OSR2: variants seen among roughly 807,000 people sequenced by gnomAD.
OSR2 encodes protein odd-skipped-related 2.
In OSR2, 8 loss-of-function variants were observed where a neutral mutation model predicts 22.3. That is an observed-to-expected ratio of 0.36 (90% CI 0.21 to 0.65). OSR2 has a LOEUF of 0.65. OSR2 is among the 30% of genes least tolerant of loss of function. OSR2 has a pLI of 0.66. For missense variants in OSR2, 311 were observed against 413.4 expected (o/e 0.75, Z 2.15); for synonymous variants, 179 against 173.8 (o/e 1.03, Z -0.23).
chr8:98,948,969 T>A lies in OSR2; in HGVS notation c.17T>A (p.Leu6Gln). Residue 6 changes from leucine (L) to glutamine (Q), a missense_variant, in exon 2 of 4, where the codon CTG (leucine) becomes CAG (glutamine). By Grantham distance (113) the Leu-to-Gln change is moderately radical. Around this residue, in one of 5 missense-constraint regions of OSR2, gnomAD observed 146 missense variants for 160.5 expected, o/e 0.91. Coordinates refer to ENST00000297565, the MANE Select transcript of OSR2 (RefSeq NM_001142462.3). This position sits in a 1 kb window ranked among gnomAD's most constrained non-coding sequence, Gnocchi z 6.0. The stretch of plus-strand genomic sequence containing the variant: ...TCCCGGAAAATGGGGAGCAAGGCTC[T>A]GCCAGCGCCCATCCCGCTCCACCCG... MGSKA[L>Q]PAPIPLHPSL... 6.2e-7 allele frequency: 1 copy of A among 1,613,970 alleles called. No individual in the cohort carries two copies. The highest frequency in any genetic ancestry group is 8.5e-7 in the Non-Finnish European group (1 of 1,179,906).
rs548850937 is a variant in OSR2 at position 98,951,989 on chromosome 8, T to G, written c.*288T>G. On this transcript the variant is annotated 3_prime_UTR_variant, in exon 4 of 4. Coordinates refer to ENST00000297565, the MANE Select transcript of OSR2 (RefSeq NM_001142462.3). ...ATGTTGTGGGTCTTTGTTTTGTTGT[T>G]TTGTTTGCTTTGGGATCTTGTTGGA... 29 of 288,110 alleles carry G rather than the reference T, an allele frequency of 1.0e-4. No homozygotes were observed. The highest frequency in any genetic ancestry group is 7.8e-4 in the Admixed American group (16 of 20,632). The allele number at this position is 288,110 out of a possible 1,614,324, so 17.8% of individuals were successfully genotyped here.
Position 98,951,698 on chromosome 8 carries a change from C to A in OSR2, c.936C>A (p.Phe312Leu). 1 of 1,611,650 alleles carries A rather than the reference C, an allele frequency of 6.2e-7. No individual in the cohort carries two copies. Among genetic ancestry groups the A allele is most frequent in the Admixed American group, 1.7e-5 (1 of 59,778 alleles). The change falls in exon 4 of 4, where the codon TTC becomes TTA. Residue 312 changes from phenylalanine (F) to leucine (L), a missense_variant. Transcript: ENST00000297565. ...HSLTHTPRQD[F>L] Reference sequence around the variant, plus strand: ...TGACTCACACCCCGCGGCAGGACTTCTAGAGAAGCCCAGGATCTGTCCCGT... The same window carrying A: ...TGACTCACACCCCGCGGCAGGACTTATAGAGAAGCCCAGGATCTGTCCCGT...
Position 98,948,156 on chromosome 8 carries a change from C to T in OSR2, c.-114-683C>T. 3 of 1,381,722 alleles carry T rather than the reference C, an allele frequency of 2.2e-6. No individual in the cohort carries two copies. Among genetic ancestry groups the T allele is most frequent in the Non-Finnish European group, 2.8e-6 (3 of 1,071,418 alleles). The allele number at this position is 1,381,722 out of a possible 1,614,324, so 85.6% of individuals were successfully genotyped here. ...GAGGTGTCACTTTTCTTTCCTGCGG[C>T]CCGTCACCGCTGATAGATGGGGCTG... On this transcript the variant is annotated intron_variant, in intron 1 of 3. Transcript: ENST00000297565. This position sits in a 1 kb window ranked among gnomAD's most constrained non-coding sequence, Gnocchi z 6.0.
chr8:98,945,349 G>A (rs1840575399), intron 1 of OSR2, among the ~76,000 whole-genome samples: 1 of 152,196 alleles, frequency 6.6e-6, no homozygotes, highest in African/African-American at 2.4e-5. Flanking sequence ...GACTGAGGGG[G>A]CCCAAAAGCA....
In OSR2 at chr8:98,951,528, C is replaced by A. The variant is rs539571022; in HGVS notation, c.766C>A (p.His256Asn). Residue 256 changes from histidine (H) to asparagine (N), a missense_variant, in exon 4 of 4, where the codon CAC (histidine) becomes AAC (asparagine). Physicochemically the swap from His to Asn is moderately conservative, Grantham distance 68. This residue lies in a region of OSR2 where 70 missense variants were observed against 84.5 expected (regional missense o/e 0.83). Transcript: ENST00000297565. ...CTTCACATCTGAACAGGAATCTCCA[C>A]ACAAATGTCCCACATGTGGAAGAAC... is the stretch of plus-strand genomic sequence containing the variant. ...HKTLHMQESP[H>N]KCPTCGRTFN... 11 of 1,586,594 alleles carry A rather than the reference C, an allele frequency of 6.9e-6. No individual in the cohort carries two copies. The highest frequency in any genetic ancestry group is 9.4e-6 in the Non-Finnish European group (11 of 1,166,386).
rs750763453 is a variant in OSR2, at chr8:98,949,290, G to C, written c.338G>C (p.Arg113Pro). 5 of 1,613,344 alleles carry C rather than the reference G, an allele frequency of 3.1e-6. No individual in the cohort carries two copies. The highest frequency in any genetic ancestry group is 4.2e-6 in the Non-Finnish European group (5 of 1,179,532). ...GTCCTCCCAGCCCTGCACAAGGACC[G>C]GCCCCGTTTTGACTTTGCCAATTTG... ...AHVLPALHKDRPRFDFANLAV... is the reference protein window; with the variant it reads ...AHVLPALHKDPPRFDFANLAV... The change falls in exon 2 of 4, where the codon CGG (arginine) becomes CCG (proline). Residue 113 changes from arginine (R) to proline (P), a missense_variant. Transcript: ENST00000297565. The surrounding 1 kb of genome is among the most constrained non-coding windows in gnomAD (Gnocchi z 5.9).
rs1840727672 is a variant in OSR2 at position 98,949,728 on chromosome 8, T to A, written c.656+120T>A. On this transcript the variant is annotated intron_variant, in intron 2 of 3. Coordinates refer to ENST00000297565, the MANE Select transcript of OSR2 (RefSeq NM_001142462.3). The surrounding 1 kb of genome is among the most constrained non-coding windows in gnomAD (Gnocchi z 5.9). ...CCTGTGATCTAAAATACACCCTCAG[T>A]CACGCTCCTCAGCCCGGTTCAGCTA... 5 of 1,190,244 alleles carry A rather than the reference T, an allele frequency of 4.2e-6. No individual in the cohort carries two copies. In the East Asian group the frequency reaches 1.2e-4, roughly 29 times the overall value. 73.7% of individuals were successfully genotyped at this position (1,190,244 alleles called of 1,614,324 possible). A position where few individuals can be genotyped will look rare whatever the true frequency, so the allele number is the denominator to read the frequency against.
In OSR2 at chr8:98,948,994, G is replaced by A. The variant is rs1179299573; in HGVS notation, c.42G>A (p.Pro14=). The A allele has an allele frequency of 3.1e-6, 5 of 1,613,836 alleles. No individual in the cohort carries two copies. Among genetic ancestry groups the A allele is most frequent in the African/African-American group, 1.3e-5 (1 of 74,924 alleles). ...KALPAPIPLH[P]SLQLTNYSFL... Reference sequence around the variant, plus strand: ...TGCCAGCGCCCATCCCGCTCCACCCGTCGCTGCAGCTCACCAATTACTCCT... The same window carrying A: ...TGCCAGCGCCCATCCCGCTCCACCCATCGCTGCAGCTCACCAATTACTCCT... Residue 14 remains proline, a synonymous_variant, in exon 2 of 4, where the codon CCG becomes CCA. Transcript: ENST00000297565. This position sits in a 1 kb window ranked among gnomAD's most constrained non-coding sequence, Gnocchi z 6.0.
At position 98,948,029 on chromosome 8, in the gene OSR2, C is replaced by A. The variant is rs569289174; in HGVS notation, c.-114-810C>A. On this transcript the variant is annotated intron_variant, in intron 1 of 3. Coordinates refer to ENST00000297565, the MANE Select transcript of OSR2 (RefSeq NM_001142462.3). The surrounding 1 kb of genome is among the most constrained non-coding windows in gnomAD (Gnocchi z 6.0). Reference sequence around the variant, plus strand: ...AGGGACGTTCTCCGCCCCCACCCCACCCCCTGGGAGCCTGAACCATCTGGA... The same window carrying A: ...AGGGACGTTCTCCGCCCCCACCCCAACCCCTGGGAGCCTGAACCATCTGGA... 15 of 1,002,612 alleles carry A rather than the reference C, an allele frequency of 1.5e-5. No homozygotes were observed. In the South Asian group the frequency reaches 4.7e-4, roughly 31 times the overall value. The allele number at this position is 1,002,612 out of a possible 1,614,324, so 62.1% of individuals were successfully genotyped here. A position where few individuals can be genotyped will look rare whatever the true frequency, so the allele number is the denominator to read the frequency against.
chr8:98,950,919 C>A, intron 3 of OSR2, 164 bp downstream of exon 3: 2 of 651,700 alleles, frequency 3.1e-6, no homozygotes, highest in Non-Finnish European at 5.5e-6. Context: ...TAAAATTAAT[C>A]TTGTTTAACA....
Position 98,949,994 on chromosome 8 carries a change from C to T in OSR2, c.656+386C>T, listed in dbSNP as rs889950719. On this transcript the variant is annotated intron_variant, in intron 2 of 3. Coordinates refer to ENST00000297565, the MANE Select transcript of OSR2 (RefSeq NM_001142462.3). The surrounding 1 kb of genome is among the most constrained non-coding windows in gnomAD (Gnocchi z 5.9). ...GGGTTTCGTCCCTCCCCCCACCCCCCACCCTCCACCCAGGTGCGCCCCAGA... is the reference window on the plus strand; with the variant it reads ...GGGTTTCGTCCCTCCCCCCACCCCCTACCCTCCACCCAGGTGCGCCCCAGA... 6.6e-6 allele frequency among the ~76,000 whole-genome samples: 1 copy of T among 150,544 alleles called. No individual in the cohort carries two copies. The highest frequency in any genetic ancestry group is 2.2e-4 in the South Asian group (1 of 4,642).
At position 98,948,654 on chromosome 8, in the gene OSR2, C is replaced by A; in HGVS notation, c.-114-185C>A. 1.0e-6 allele frequency: 1 copy of A among 963,882 alleles called. No individual in the cohort carries two copies. Among genetic ancestry groups the A allele is most frequent in the Non-Finnish European group, 1.5e-6 (1 of 671,156 alleles). 59.7% of individuals were successfully genotyped at this position (963,882 alleles called of 1,614,324 possible). A position where few individuals can be genotyped will look rare whatever the true frequency, so the allele number is the denominator to read the frequency against. On this transcript the variant is annotated intron_variant, in intron 1 of 3. Transcript: ENST00000297565. The surrounding 1 kb of genome is among the most constrained non-coding windows in gnomAD (Gnocchi z 6.0). ...GAGCACTTCTTGTTCTGGCCCCGGG[C>A]TGATCTGCACGCGGACTTGAGCAGG... is the stretch of plus-strand genomic sequence containing the variant.
rs554677790 is a variant in OSR2 at position 98,949,468 on chromosome 8, T to C, written c.516T>C (p.Phe172=). 1 of 1,614,054 alleles carries C rather than the reference T, an allele frequency of 6.2e-7. No homozygotes were observed. The highest frequency in any genetic ancestry group is 1.7e-5 in the Admixed American group (1 of 60,034). ...TGCCCTCCAAAACGAAAAAAGAGTT[T>C]ATCTGCAAGTTTTGCGGCAGACACT... ...GRLPSKTKKE[F]ICKFCGRHFT... is the part of the protein sequence containing the mutation. The change falls in exon 2 of 4, where the codon TTT becomes TTC. Residue 172 remains phenylalanine (F), a synonymous_variant. Transcript: ENST00000297565. The surrounding 1 kb of genome is among the most constrained non-coding windows in gnomAD (Gnocchi z 5.9).
Position 98,948,417 on chromosome 8 carries a change from C to G in OSR2, c.-114-422C>G, listed in dbSNP as rs1347160384. On this transcript the variant is annotated intron_variant, in intron 1 of 3. Transcript: ENST00000297565. This position sits in a 1 kb window ranked among gnomAD's most constrained non-coding sequence, Gnocchi z 6.0. ...CAGGAGCTCCGAGGCGCAGCGGCGA[C>G]AGAGGTTCGCCCCGGCCTGCTAGCA... is the stretch of plus-strand genomic sequence containing the variant. 1.6e-5 allele frequency: 21 copies of G among 1,308,820 alleles called. No homozygotes were observed. Among genetic ancestry groups the G allele is most frequent in the Non-Finnish European group, 1.8e-5 (18 of 1,022,316 alleles). 81.1% of individuals were successfully genotyped at this position (1,308,820 alleles called of 1,614,324 possible). A position where few individuals can be genotyped will look rare whatever the true frequency, so the allele number is the denominator to read the frequency against.
At position 98,951,744 on chromosome 8, in the gene OSR2, C is replaced by T; in HGVS notation, c.*43C>T. 1 of 1,569,256 alleles carries T rather than the reference C, an allele frequency of 6.4e-7. No homozygotes were observed. Among genetic ancestry groups the T allele is most frequent in the Non-Finnish European group, 8.6e-7 (1 of 1,158,008 alleles). ...CCCGTGCCGCCGCTGCTCCCCTCCC[C>T]AGACACCTCTCCACGTCTCCTACCC... On this transcript the variant is annotated 3_prime_UTR_variant, in exon 4 of 4. Coordinates refer to ENST00000297565, the MANE Select transcript of OSR2 (RefSeq NM_001142462.3).
At position 98,949,186 on chromosome 8, in the gene OSR2, C is replaced by A. The variant is rs762662218; in HGVS notation, c.234C>A (p.Leu78=). ...TITEMAAAQG[L]VDARFPFPAL... is the part of the protein sequence containing the mutation. ...CGGAGATGGCGGCGGCGCAGGGCCT[C>A]GTGGACGCGCGCTTCCCCTTCCCGG... The change falls in exon 2 of 4, where the codon CTC becomes CTA. Residue 78 remains leucine (L), a synonymous_variant. Coordinates refer to ENST00000297565, the MANE Select transcript of OSR2 (RefSeq NM_001142462.3). This position sits in a 1 kb window ranked among gnomAD's most constrained non-coding sequence, Gnocchi z 5.9. 5.0e-6 allele frequency: 8 copies of A among 1,594,550 alleles called. No individual in the cohort carries two copies. The highest frequency in any genetic ancestry group is 6.0e-6 in the Non-Finnish European group (7 of 1,169,958).
chr8:98,948,720 T>A lies in OSR2; in HGVS notation c.-114-119T>A, dbSNP rs1021629806. The A allele has an allele frequency of 3.8e-5, 48 of 1,260,566 alleles. No individual in the cohort carries two copies. The African/African-American group carries it at 6.7e-4, about 18-fold the overall frequency. 78.1% of individuals were successfully genotyped at this position (1,260,566 alleles called of 1,614,324 possible). The stretch of plus-strand genomic sequence containing the variant: ...CAGTCCCCTCACGGCTTTCGGGGGG[T>A]CTTGGAGTCGGGTGGGGAGGGAGAC... On this transcript the variant is annotated intron_variant, in intron 1 of 3. Transcript: ENST00000297565. This position sits in a 1 kb window ranked among gnomAD's most constrained non-coding sequence, Gnocchi z 6.0.
In OSR2 at chr8:98,949,680, C is replaced by G; in HGVS notation, c.656+72C>G. On this transcript the variant is annotated intron_variant, in intron 2 of 3. Coordinates refer to ENST00000297565, the MANE Select transcript of OSR2 (RefSeq NM_001142462.3). This position sits in a 1 kb window ranked among gnomAD's most constrained non-coding sequence, Gnocchi z 5.9. The stretch of plus-strand genomic sequence containing the variant: ...CCTGGACACACCGAGTCCTGATAGA[C>G]ATTCCCAGTGTCATTATAATCCCCT... 1 of 1,502,370 alleles carries G rather than the reference C, an allele frequency of 6.7e-7. No homozygotes were observed. The highest frequency in any genetic ancestry group is 2.0e-5 in the Admixed American group (1 of 49,694). 93.1% of individuals were successfully genotyped at this position (1,502,370 alleles called of 1,614,324 possible).
At chr8:98,950,342 C>G (rs1446108283) in intron 2 of OSR2, among the ~76,000 whole-genome samples, 1 of 152,110 alleles carries the variant, frequency 6.6e-6, no homozygotes, top group Non-Finnish European at 1.5e-5. Context: ...TGCCTTACAT[C>G]CTGATTTGGC....
Sources: gnomAD v4.1 joint callset for allele counts (sites outside exome capture counted in the v4.1 genomes callset) on GRCh38, gnomAD v4.1.1 for gene constraint, gnomAD v4.1.1 regional missense constraint, Gnocchi (gnomAD v3.1) non-coding constraint, MANE v1.5 for transcripts, NCBI Gene and HGNC (gene_info 2026-07-23, HGNC 2026-07-21) for gene names.